Variants in UNC45B observed in about 807,000 individuals in gnomAD.
UNC45B encodes the protein unc-45 myosin chaperone B, also known as protein unc-45 homolog B.
UNC45B carries 78 observed loss-of-function variants against 98.7 expected under a neutral mutation model. That is an observed-to-expected ratio of 0.79 (90% confidence interval 0.66 to 0.95). The LOEUF is 0.95. Among genes scored for constraint, UNC45B ranks in the 40% least tolerant of loss-of-function variants. The pLI is 0.00. For missense variants in UNC45B, 1,225 were observed against 1,184.9 expected (o/e 1.03, Z -0.50); for synonymous variants, 462 against 480.4 (o/e 0.96, Z 0.50).
chr17:35,154,035 A>G (rs143633677), intron 5 of UNC45B, among the ~76,000 whole-genome samples: 4 of 152,232 alleles, frequency 2.6e-5, no homozygotes, highest in Admixed American at 1.3e-4. Context: ...GCCGTGACTC[A>G]CCCAAGCTCA....
At chr17:35,152,501 A>AAAAG (rs1197294754) in intron 4 of UNC45B, among the ~76,000 whole-genome samples, 2 of 152,184 alleles carry the variant, frequency 1.3e-5, no homozygotes, top group Non-Finnish European at 2.9e-5. Flanking sequence ...AAGTGTGTTA[A>AAAAG]AAAGAAAGAA....
intron 16 of UNC45B, 104 bp from the exon 17 acceptor site, chr17:35,177,391 T>C: frequency 2.5e-6 from 2 of 794,062 alleles, no homozygotes; most frequent in Non-Finnish European, 4.1e-6. Flanking sequence ...TCAGACAATG[T>C]ATGAGAAAGT....
At chr17:35,177,811 CTT>C (rs1190162203) in intron 17 of UNC45B, among the ~76,000 whole-genome samples, 2 of 151,696 alleles carry the variant, frequency 1.3e-5, no homozygotes, top group Non-Finnish European at 2.9e-5. Flanking sequence ...TTTTTCTTTT[CTT>C]TTTTTTCTTT....
At chr17:35,165,538 A>G (rs1244181378) in intron 9 of UNC45B, among the ~76,000 whole-genome samples, 1 of 152,116 alleles carries the variant, frequency 6.6e-6, no homozygotes, top group African/African-American at 2.4e-5. Context: ...TCCTTTCTAT[A>G]TTCCAGGGGT....
intron 18 of UNC45B, 93 bp downstream of exon 18, chr17:35,180,769 T>C (rs866973896): frequency 1.1e-6 from 1 of 890,800 alleles, no homozygotes. Context: ...GGAGCTCTTA[T>C]GATGGCATTA....
intron 9 of UNC45B, 69 bp from the exon 10 acceptor site, chr17:35,167,992 C>T (rs1567761214): frequency 2.2e-6 from 3 of 1,355,382 alleles, no homozygotes; most frequent in Non-Finnish European, 2.9e-6. Flanking sequence ...AATCCTACTG[C>T]CTCCAAATCT....
chr17:35,165,620 A>G (rs2092133364), intron 9 of UNC45B, among the ~76,000 whole-genome samples: 1 of 152,184 alleles, frequency 6.6e-6, no homozygotes, highest in Admixed American at 6.5e-5. Flanking sequence ...GTCTCTGTCA[A>G]CATATTTTTA....
At position 35,159,544 on chromosome 17, in the gene UNC45B, T is replaced by C. The variant is rs747255164; in HGVS notation, c.978T>C (p.Asn326=). The C allele has an allele frequency of 6.2e-7, 1 of 1,612,754 alleles. No individual in the cohort carries two copies. Among genetic ancestry groups the C allele is most frequent in the Non-Finnish European group, 8.5e-7 (1 of 1,179,084 alleles). The part of the protein sequence containing the change: ...DNSRTIYVVD[N]GLRKILKVVG... ...CACGTACCATCTATGTGGTGGATAA[T>C]GGTGAGAAGAGGGGAAGGTTTGGGG... The change falls in exon 8 of 20, where the codon AAT becomes AAC. Residue 326 remains asparagine (N), a splice_region_variant and synonymous_variant. Transcript: ENST00000394570.
In UNC45B at chr17:35,169,732, A is replaced by C. The variant is rs1000047819; in HGVS notation, c.1453-105A>C. On this transcript the variant is annotated intron_variant, in intron 10 of 19. Coordinates refer to ENST00000394570, the MANE Select transcript of UNC45B (RefSeq NM_001267052.2). ...CAGAGGTGGATCCAAGCAAAGAAAGAGGGGCGAAGTGTTCTGGCCATAGAA... is the reference window on the plus strand; with the variant it reads ...CAGAGGTGGATCCAAGCAAAGAAAGCGGGGCGAAGTGTTCTGGCCATAGAA... 144 of 935,884 alleles carry C rather than the reference A, an allele frequency of 1.5e-4. 1 individual carries two copies. In the Admixed American group the frequency reaches 2.8e-3, roughly 18 times the overall value. 58.0% of individuals were successfully genotyped at this position (935,884 alleles called of 1,614,324 possible). A position where few individuals can be genotyped will look rare whatever the true frequency, so the allele number is the denominator to read the frequency against.
chr17:35,165,653 G>T (rs2092133721), intron 9 of UNC45B, among the ~76,000 whole-genome samples: 1 of 152,092 alleles, frequency 6.6e-6, no homozygotes. Flanking sequence ...AATGCAAAAA[G>T]CTGGCTGGGC....
intron 6 of UNC45B, among the ~76,000 whole-genome samples, chr17:35,155,064 C>T (rs766481094): frequency 2.6e-5 from 4 of 152,256 alleles, no homozygotes; most frequent in African/African-American, 7.2e-5. Context: ...TCAACGGCCC[C>T]ATGTGGCCGG....
intron 9 of UNC45B, among the ~76,000 whole-genome samples, chr17:35,165,691 A>G (rs1382905063): frequency 6.6e-6 from 1 of 152,212 alleles, no homozygotes; most frequent in African/African-American, 2.4e-5. Context: ...TAATCCCAGC[A>G]CTTTGGGATG....
At position 35,169,938 on chromosome 17, in the gene UNC45B, G is replaced by A; in HGVS notation, c.1547+7G>A. ...TGGCCAAACAGTGTCGCAAGTAAGGGGGCTGTGTTTCCCAGGCCCTCCATC... is the reference window on the plus strand; with the variant it reads ...TGGCCAAACAGTGTCGCAAGTAAGGAGGCTGTGTTTCCCAGGCCCTCCATC... On this transcript the variant is annotated splice_region_variant and intron_variant, in intron 11 of 19. Transcript: ENST00000394570. 4 of 1,614,122 alleles carry A rather than the reference G, an allele frequency of 2.5e-6. No homozygotes were observed. The South Asian group carries it at 3.3e-5, about 13-fold the overall frequency.
chr17:35,155,070 G>T (rs947591857), intron 6 of UNC45B, among the ~76,000 whole-genome samples: 1 of 152,236 alleles, frequency 6.6e-6, no homozygotes, highest in African/African-American at 2.4e-5. Context: ...GCCCCATGTG[G>T]CCGGTGGTCA....
Position 35,186,289 on chromosome 17 carries a change from C to T in UNC45B, c.2530-10C>T. The T allele has an allele frequency of 1.2e-6, 2 of 1,612,372 alleles. No homozygotes were observed. Among genetic ancestry groups the T allele is most frequent in the Non-Finnish European group, 1.7e-6 (2 of 1,179,506 alleles). On this transcript the variant is annotated splice_polypyrimidine_tract_variant and intron_variant, in intron 19 of 19. Coordinates refer to ENST00000394570, the MANE Select transcript of UNC45B (RefSeq NM_001267052.2). ...CCTAGCACCTTCCTTACCTTTTTCC[C>T]TGCCTCCAGACAACCCAGTGGTTGG...
At chr17:35,148,563 G>T (rs2091993271) in intron 2 of UNC45B, 132 bp downstream of exon 2, 14 of 1,084,904 alleles carry the variant, frequency 1.3e-5, no homozygotes, top group Non-Finnish European at 1.7e-5. Context: ...GTTGGAGAAG[G>T]GTGCCTCCAA....
intron 14 of UNC45B, among the ~76,000 whole-genome samples, chr17:35,175,062 A>AG (rs2092220232): frequency 7.7e-5 from 5 of 65,280 alleles, no homozygotes; most frequent in Non-Finnish European, 1.6e-4. Context: ...AAAGGAAAGA[A>AG]GAAAGAAAGA....
chr17:35,181,230 C>A (rs2092271504), intron 18 of UNC45B, among the ~76,000 whole-genome samples: 1 of 152,208 alleles, frequency 6.6e-6, no homozygotes, highest in African/African-American at 2.4e-5. Context: ...ATGCCGTAGG[C>A]TTCATGGTCC....
chr17:35,172,052 G>A (rs2092190896), intron 13 of UNC45B, among the ~76,000 whole-genome samples: 1 of 152,104 alleles, frequency 6.6e-6, no homozygotes, highest in African/African-American at 2.4e-5. Context: ...GTGGGGAAAA[G>A]AAAATAACCA....
Sources: gnomAD v4.1 joint callset for allele counts (sites outside exome capture counted in the v4.1 genomes callset) on GRCh38, gnomAD v4.1.1 for gene constraint, MANE v1.5 for transcripts, NCBI Gene and HGNC (gene_info 2026-07-23, HGNC 2026-07-21) for gene names.